The following COL6A5 variants were observed in gnomAD, a reference collection of about 807,000 sequenced individuals.
COL6A5 encodes collagen type VI alpha 5 chain, also known as collagen alpha-5(VI) chain.
Under a neutral mutation model 65.6 loss-of-function variants are expected in COL6A5, and 48 were observed. That is an observed-to-expected ratio of 0.73 (90% CI 0.58 to 0.93). The LOEUF (loss-of-function observed/expected upper bound fraction) is 0.93. Among genes scored for constraint, COL6A5 ranks in the 40% least tolerant of loss-of-function variants. The pLI, the probability that COL6A5 is intolerant of heterozygous loss-of-function variation, is 0.00. For synonymous variants in COL6A5, 291 were observed against 322.8 expected, an observed-to-expected ratio of 0.90 and a Z score of 1.05; for missense variants, 914 against 928.3, an observed-to-expected ratio of 0.98 and a Z score of 0.20.
chr3:130,368,120 A>G (rs750820956), intron 1 of COL6A5, among the ~76,000 whole-genome samples: 1 of 152,214 alleles, frequency 6.6e-6, no homozygotes, highest in Non-Finnish European at 1.5e-5. Flanking sequence ...TTTTGAAAAG[A>G]TGGAACCAGG....
At chr3:130,434,027 G>C (rs1460613491) in intron 1 of COL6A5, among the ~76,000 whole-genome samples, 1 of 151,340 alleles carries the variant, frequency 6.6e-6, no homozygotes, top group African/African-American at 2.4e-5. Context: ...TGTTACATAG[G>C]TATACATGTG....
intron 5 of COL6A5, among the ~76,000 whole-genome samples, chr3:130,455,937 A>G (rs549686060): frequency 4.4e-4 from 67 of 152,252 alleles, no homozygotes; most frequent in African/African-American, 1.5e-3. Flanking sequence ...TTAGAAGGTT[A>G]GTATGATGTA....
chr3:130,415,643 A>G lies in COL6A5; in HGVS notation c.4762-2A>G, dbSNP rs1236676842. 34 of 1,547,764 alleles carry G rather than the reference A, an allele frequency of 2.2e-5. No homozygotes were observed. Among genetic ancestry groups the G allele is most frequent in the Non-Finnish European group, 2.8e-5 (32 of 1,144,354 alleles). Reference sequence around the variant, plus strand: ...ATTGTATTTCCTTTGTTACCACTAAAGGGGTCACAGGGAAATCCTGGCAGA... The same window carrying G: ...ATTGTATTTCCTTTGTTACCACTAAGGGGGTCACAGGGAAATCCTGGCAGA... On this transcript the variant is annotated splice_acceptor_variant and NMD_transcript_variant, in intron 22 of 41. Transcript: ENST00000312481.
intron 10 of COL6A5, 53 bp from the exon 11 acceptor site, chr3:130,400,978 T>C (rs568570800): frequency 7.1e-7 from 1 of 1,402,840 alleles, no homozygotes; most frequent in South Asian, 1.5e-5. Flanking sequence ...TGTCTTCTTC[T>C]TTTTCATGTA....
At chr3:130,472,832 C>CATATATATATAT (rs10654631) in intron 7 of COL6A5, among the ~76,000 whole-genome samples, 6,532 of 98,980 alleles carry the variant, frequency 0.066, 371 homozygotes, top group Admixed American at 0.09. Flanking sequence ...TGTGTGTATA[C>CATATATATATAT]ATATATATAT....
chr3:130,376,675 T>C, exon 3 of COL6A5: 2 of 1,613,436 alleles, frequency 1.2e-6, no homozygotes, highest in South Asian at 2.2e-5. Flanking sequence ...TCCGTGGGGG[T>C]GCAGAAAGCT....
At chr3:130,462,670 CTG>C (rs1352631724) in intron 5 of COL6A5, among the ~76,000 whole-genome samples, 1 of 152,094 alleles carries the variant, frequency 6.6e-6, no homozygotes, top group East Asian at 1.9e-4. Context: ...GACTGAAACT[CTG>C]AATATTCTGC....
chr3:130,392,936 C>G (rs1001193840), intron 7 of COL6A5, among the ~76,000 whole-genome samples: 3 of 152,134 alleles, frequency 2.0e-5, no homozygotes, highest in African/African-American at 7.2e-5. Flanking sequence ...TCTGCCTGTT[C>G]CATCCTCTCC....
intron 7 of COL6A5, among the ~76,000 whole-genome samples, chr3:130,479,230 G>A (rs934255213): frequency 6.6e-6 from 1 of 150,880 alleles, no homozygotes; most frequent in Admixed American, 6.6e-5. Flanking sequence ...TAGTGAAAAG[G>A]CACCACGTTT....
chr3:130,445,467 A>ACT (rs893410322), intron 4 of COL6A5, among the ~76,000 whole-genome samples: 1 of 152,134 alleles, frequency 6.6e-6, no homozygotes, highest in African/African-American at 2.4e-5. Flanking sequence ...GCTTAACACA[A>ACT]CTCTGTATGG....
chr3:130,355,845 A>G (rs1230576337), intron 1 of COL6A5, among the ~76,000 whole-genome samples: 1 of 152,046 alleles, frequency 6.6e-6, no homozygotes, highest in East Asian at 1.9e-4. Flanking sequence ...AAAAGGAATC[A>G]CAGATCTGAT....
intron 4 of COL6A5, among the ~76,000 whole-genome samples, chr3:130,454,239 A>G (rs971420534): frequency 2.3e-5 from 1 of 43,640 alleles, no homozygotes; most frequent in Non-Finnish European, 1.1e-4. Flanking sequence ...ATTTTTAAAA[A>G]CCAAAAAAAG....
chr3:130,421,107 A>C, intron 25 of COL6A5, 46 bp from the exon 26 acceptor site: 2 of 1,516,886 alleles, frequency 1.3e-6, no homozygotes, highest in Non-Finnish European at 1.8e-6. Context: ...GATTAAAATT[A>C]ATTTCCACCT....
At chr3:130,465,179 G>C (rs1709786154) in intron 5 of COL6A5, among the ~76,000 whole-genome samples, 1 of 152,084 alleles carries the variant, frequency 6.6e-6, no homozygotes, top group Non-Finnish European at 1.5e-5. Context: ...CATTGAGGAG[G>C]AGCCCAGTGA....
chr3:130,405,640 C>T lies in COL6A5; in HGVS notation c.4334C>T (p.Pro1445Leu), dbSNP rs868419704. ...GGAGACAAAGGGATTGCAGGATGTC[C>T]AGGGGCGTGGGGTCAGAAGGTAAGG... Residue 1445 changes from proline to leucine, a missense_variant and NMD_transcript_variant, in exon 14 of 42, where the codon CCA (proline) becomes CTA (leucine). Physicochemically the swap from Pro to Leu is moderately conservative, Grantham distance 98. Transcript: ENST00000312481. The T allele has an allele frequency of 1.9e-6, 3 of 1,550,384 alleles. No homozygotes were observed. The highest frequency in any genetic ancestry group is 2.6e-6 in the Non-Finnish European group (3 of 1,146,050).
intron 4 of COL6A5, among the ~76,000 whole-genome samples, chr3:130,453,296 A>G (rs1185342217): frequency 5.9e-5 from 9 of 152,158 alleles, no homozygotes; most frequent in Non-Finnish European, 1.2e-4. Context: ...AAATTATAAA[A>G]GTATTAATTT....
chr3:130,484,173 A>G (rs1328998690), exon 8 of COL6A5: 5 of 903,542 alleles, frequency 5.5e-6, no homozygotes, highest in African/African-American at 1.7e-5. Flanking sequence ...CACAAAAACA[A>G]TTGGCTAATA....
chr3:130,466,974 AC>A (rs1709833381), intron 5 of COL6A5, among the ~76,000 whole-genome samples: 1 of 151,924 alleles, frequency 6.6e-6, no homozygotes, highest in African/African-American at 2.4e-5. Context: ...CATAAAGAAA[AC>A]TCCAGGTATG....
intron 1 of COL6A5, among the ~76,000 whole-genome samples, chr3:130,354,279 A>G (rs12633371): frequency 0.16 from 24,485 of 152,156 alleles, 2,268 homozygotes; most frequent in South Asian, 0.28. Flanking sequence ...TCCAATTAAT[A>G]TAAGAACCTT....
Sources: allele counts gnomAD v4.1 joint callset (sites outside exome capture counted in the v4.1 genomes callset), GRCh38; gene constraint gnomAD v4.1.1; transcripts MANE v1.5; gene names NCBI Gene and HGNC (gene_info 2026-07-23, HGNC 2026-07-21).